Variants in PRR5L observed in about 807,000 individuals in gnomAD.
The protein encoded by PRR5L is proline rich 5 like, also known as proline-rich protein 5-like.
PRR5L carries 21 observed loss-of-function variants against 36.4 expected under a neutral mutation model. The ratio of observed to expected loss-of-function variants is 0.58; its 90% confidence interval spans 0.41 to 0.83. PRR5L has a LOEUF of 0.83. Among genes scored for constraint, PRR5L ranks in the 40% least tolerant of loss-of-function variants. The pLI, the probability that PRR5L is intolerant of heterozygous loss-of-function variation, is 0.00. For synonymous variants in PRR5L, 188 were observed against 197.0 expected (o/e 0.95, Z 0.38); for missense variants, 381 against 473.3 (o/e 0.80, Z 1.81).
intron 1 of PRR5L, among the ~76,000 whole-genome samples, chr11:36,340,858 TG>T (rs1433555574): frequency 7.2e-5 from 11 of 152,280 alleles, no homozygotes; most frequent in Admixed American, 5.9e-4. Context: ...GCACTAGAGA[TG>T]GGGGCAATCA....
chr11:36,386,517 C>CAAGCA (rs1857459146), intron 1 of PRR5L: 1 of 152,178 alleles, frequency 6.6e-6, no homozygotes, highest in Non-Finnish European at 1.5e-5. Flanking sequence ...CACTAGGAAA[C>CAAGCA]AGAGACTCCT....
chr11:36,326,251 A>G (rs1856660705), intron 1 of PRR5L, among the ~76,000 whole-genome samples: 1 of 151,852 alleles, frequency 6.6e-6, no homozygotes, highest in Non-Finnish European at 1.5e-5. Context: ...AGTAAACTGC[A>G]AATGTTATAA....
chr11:36,319,647 T>C (rs1202862309), intron 1 of PRR5L, among the ~76,000 whole-genome samples: 2 of 151,552 alleles, frequency 1.3e-5, no homozygotes, highest in East Asian at 3.9e-4. Flanking sequence ...GAGCAATACT[T>C]TGTAGATCCC....
At chr11:36,440,957 C>T (rs929569640) in intron 6 of PRR5L, among the ~76,000 whole-genome samples, 2 of 152,190 alleles carry the variant, frequency 1.3e-5, no homozygotes, top group East Asian at 1.9e-4. Flanking sequence ...AGAGCTCACT[C>T]ATTACCAAGG....
intron 6 of PRR5L, among the ~76,000 whole-genome samples, chr11:36,446,054 T>C (rs1204582432): frequency 1.3e-5 from 2 of 152,340 alleles, no homozygotes; most frequent in African/African-American, 4.8e-5. Context: ...AGTGTGGCCC[T>C]GATTATATGT....
chr11:36,380,010 T>C (rs1223607232), intron 1 of PRR5L, among the ~76,000 whole-genome samples: 1 of 152,184 alleles, frequency 6.6e-6, no homozygotes, highest in African/African-American at 2.4e-5. Flanking sequence ...AGCGTCTTGC[T>C]CTTTTCAGTA....
intron 1 of PRR5L, among the ~76,000 whole-genome samples, chr11:36,357,792 G>A (rs1315998253): frequency 6.6e-6 from 1 of 152,190 alleles, no homozygotes; most frequent in Non-Finnish European, 1.5e-5. Context: ...GATGTACAAG[G>A]AGATTAATGT....
rs148740293 is a variant in PRR5L at position 36,406,949 on chromosome 11, C to T, written c.245+3571C>T. ...GGCAAGTGACTTCATTTTTCTAAGT[C>T]TGTTTTGTCTTTTATGAAATGAGGA... is the stretch of plus-strand genomic sequence containing the variant. On this transcript the variant is annotated intron_variant, in intron 3 of 8. Transcript: ENST00000530639. Among the ~76,000 whole-genome samples the T allele has an allele frequency of 2.1e-3, 313 of 152,308 alleles. 4 individuals carry two copies. Among genetic ancestry groups the T allele is most frequent in the Middle Eastern group, 6.8e-3 (2 of 294 alleles).
chr11:36,406,358 A>T (rs1857912385), intron 3 of PRR5L, among the ~76,000 whole-genome samples: 1 of 152,222 alleles, frequency 6.6e-6, no homozygotes, highest in African/African-American at 2.4e-5. Flanking sequence ...TTAAAAAAAA[A>T]ATCAGAGCTT....
intron 5 of PRR5L, among the ~76,000 whole-genome samples, chr11:36,434,159 G>A (rs1292437829): frequency 4.6e-5 from 7 of 152,166 alleles, no homozygotes; most frequent in Non-Finnish European, 8.8e-5. Flanking sequence ...CTGTCCCCCT[G>A]CCCTGGCATG....
At chr11:36,399,440 C>CT (rs1857741766) in intron 1 of PRR5L, among the ~76,000 whole-genome samples, 1 of 152,210 alleles carries the variant, frequency 6.6e-6, no homozygotes, top group South Asian at 2.1e-4. Flanking sequence ...CCATGCCCAT[C>CT]TGAGTGGCTT....
Position 36,464,878 on chromosome 11 carries a change from T to C in PRR5L, c.*2142T>C, listed in dbSNP as rs1429512677. 6.6e-6 allele frequency: 1 copy of C among 152,236 alleles called. No individual in the cohort carries two copies. Among genetic ancestry groups the C allele is most frequent in the Admixed American group, 6.5e-5 (1 of 15,290 alleles). 9.4% of individuals were successfully genotyped at this position (152,236 alleles called of 1,614,324 possible). ...AAGTGTCAGTATAGACCCAGTGTACTTAAGTGCTGATGACTGTTAGCCAGT... is the reference window on the plus strand; with the variant it reads ...AAGTGTCAGTATAGACCCAGTGTACCTAAGTGCTGATGACTGTTAGCCAGT... On this transcript the variant is annotated 3_prime_UTR_variant, in exon 9 of 9. Transcript: ENST00000530639.
chr11:36,344,728 A>T lies in PRR5L; in HGVS notation c.-126+48290A>T, dbSNP rs1856847911. Among the ~76,000 whole-genome samples, 1 of 152,230 alleles carries T rather than the reference A, an allele frequency of 6.6e-6. No individual in the cohort carries two copies. Among genetic ancestry groups the T allele is most frequent in the Non-Finnish European group, 1.5e-5 (1 of 68,036 alleles). On this transcript the variant is annotated intron_variant, in intron 1 of 8. Transcript: ENST00000530639. This position sits in a 1 kb window ranked among gnomAD's most constrained non-coding sequence, Gnocchi z 4.1. ...AAATGAGCATTACTTTTCAAGACTG[A>T]GATTAAAAAATCAAGATAAATGAAA...
At chr11:36,376,651 G>A in intron 1 of PRR5L, 5 of 994,558 alleles carry the variant, frequency 5.0e-6, no homozygotes, top group Non-Finnish European at 6.0e-6. Flanking sequence ...TGGGGCGGAG[G>A]CGAGCGGCGG....
intron 1 of PRR5L, among the ~76,000 whole-genome samples, chr11:36,391,990 G>A (rs1281836137): frequency 6.6e-6 from 1 of 152,034 alleles, no homozygotes; most frequent in Non-Finnish European, 1.5e-5. Flanking sequence ...CAAGTCTCTA[G>A]TAACCATCAT....
chr11:36,376,176 C>A, intron 1 of PRR5L: 2 of 1,304,602 alleles, frequency 1.5e-6, no homozygotes, highest in Non-Finnish European at 2.0e-6. Context: ...CAGGGCCCCC[C>A]TCTCCGCTCT....
intron 1 of PRR5L, chr11:36,380,545 C>T (rs1307073348): frequency 1.3e-5 from 2 of 151,944 alleles, no homozygotes; most frequent in East Asian, 1.9e-4. Context: ...GATTAATCCT[C>T]GGATTTCATG....
In PRR5L at chr11:36,462,823, G is replaced by A; in HGVS notation, c.*87G>A. ...CCGTGGATTACTGAGGGGGGCTCTT[G>A]CTTTATGCGATGCTGCCTTATTTCC... On this transcript the variant is annotated 3_prime_UTR_variant, in exon 9 of 9. Transcript: ENST00000530639. 8.0e-7 allele frequency: 1 copy of A among 1,257,440 alleles called. No homozygotes were observed. The highest frequency in any genetic ancestry group is 1.1e-6 in the Non-Finnish European group (1 of 921,868). The allele number at this position is 1,257,440 out of a possible 1,614,324, so 77.9% of individuals were successfully genotyped here.
intron 4 of PRR5L, among the ~76,000 whole-genome samples, chr11:36,430,201 A>G (rs1045608585): frequency 1.1e-4 from 17 of 152,056 alleles, no homozygotes; most frequent in Non-Finnish European, 2.4e-4. Context: ...CTTAAGGTCA[A>G]AAGTTCGAGA....
Sources: gnomAD v4.1 joint callset for allele counts (sites outside exome capture counted in the v4.1 genomes callset) on GRCh38, gnomAD v4.1.1 for gene constraint, Gnocchi (gnomAD v3.1) non-coding constraint, MANE v1.5 for transcripts, NCBI Gene and HGNC (gene_info 2026-07-23, HGNC 2026-07-21) for gene names.